The following MID2 variants were observed in gnomAD, a reference collection of about 807,000 sequenced individuals.
MID2 encodes probable E3 ubiquitin-protein ligase MID2.
MID2 carries 13 observed loss-of-function variants against 46.1 expected under a neutral mutation model. The observed-to-expected ratio is 0.28, with a 90% confidence interval of 0.18 to 0.45. The LOEUF is 0.45. Ranked by LOEUF, MID2 falls within the 20% of genes least tolerant of loss-of-function variation. The pLI, the probability that MID2 is intolerant of heterozygous loss-of-function variation, is 1.00. For synonymous variants in MID2, 199 were observed against 212.3 expected, an observed-to-expected ratio of 0.94 and a Z score of 0.55; for missense variants, 431 against 575.4, an observed-to-expected ratio of 0.75 and a Z score of 2.57.
intron 2 of MID2, among the ~76,000 whole-genome samples, chrX:107,846,412 G>A (rs894175988): frequency 9.1e-6 from 1 of 110,473 alleles, no homozygotes; most frequent in African/African-American, 3.3e-5. Flanking sequence ...TGGGGTTGGG[G>A]ACAGTATCTG....
chrX:107,829,336 T>G (rs1329170561), intron 1 of MID2, among the ~76,000 whole-genome samples: 1 of 112,101 alleles, frequency 8.9e-6, no homozygotes, highest in Non-Finnish European at 1.9e-5. Flanking sequence ...TTTTCTCCAA[T>G]ACATGTTCAA....
chrX:107,887,505 G>A (rs932203185), intron 3 of MID2, among the ~76,000 whole-genome samples: 4 of 111,843 alleles, frequency 3.6e-5, no homozygotes, highest in African/African-American at 1.3e-4. Flanking sequence ...GGTTTTTGAT[G>A]TGCTGCTGGA....
At chrX:107,920,273 T>G (rs1056555820) in intron 7 of MID2, among the ~76,000 whole-genome samples, 1 of 112,198 alleles carries the variant, frequency 8.9e-6, no homozygotes, top group Non-Finnish European at 1.9e-5. Flanking sequence ...TTATTCCCCC[T>G]TCACCTTTTC....
chrX:107,912,822 T>C (rs1198927554), intron 5 of MID2, among the ~76,000 whole-genome samples: 3 of 110,945 alleles, frequency 2.7e-5, no homozygotes, highest in Non-Finnish European at 5.7e-5. Flanking sequence ...TTGAGAATCA[T>C]CTACTCACCT....
chrX:107,834,245 A>G (rs1452113253), intron 1 of MID2, among the ~76,000 whole-genome samples: 7 of 112,320 alleles, frequency 6.2e-5, no homozygotes, highest in African/African-American at 2.3e-4. Context: ...AAGAAAAGCC[A>G]TACAGAAACA....
At chrX:107,832,003 C>G (rs1294107420) in intron 1 of MID2, among the ~76,000 whole-genome samples, 13 of 112,343 alleles carry the variant, frequency 1.2e-4, no homozygotes, top group African/African-American at 4.2e-4. Context: ...AGATTTAGGA[C>G]TTCTAGTTCT....
At chrX:107,894,788 G>A (rs1932681982) in intron 3 of MID2, 1 of 106,842 alleles carries the variant, frequency 9.4e-6, no homozygotes, top group Admixed American at 1.0e-4. Context: ...GGGATTATAA[G>A]TATTACGGAT....
At chrX:107,871,358 G>C (rs995994252) in intron 3 of MID2, among the ~76,000 whole-genome samples, 4 of 111,435 alleles carry the variant, frequency 3.6e-5, no homozygotes, top group African/African-American at 1.3e-4. Flanking sequence ...AGGTGAGCAG[G>C]TGAAGGAGCT....
chrX:107,926,397 A>G (rs1933178707), intron 9 of MID2, 96 bp downstream of exon 9: 1 of 802,186 alleles, frequency 1.2e-6, no homozygotes, highest in South Asian at 2.8e-5. Flanking sequence ...CAATAAGTCA[A>G]GGTTAAAAGG....
chrX:107,883,880 C>A (rs1932385161), intron 3 of MID2, among the ~76,000 whole-genome samples: 1 of 112,275 alleles, frequency 8.9e-6, no homozygotes, highest in South Asian at 3.7e-4. Flanking sequence ...GATGTGAGAT[C>A]TGAACTCAGT....
At chrX:107,862,481 C>T (rs1163573766) in intron 3 of MID2, among the ~76,000 whole-genome samples, 2 of 112,233 alleles carry the variant, frequency 1.8e-5, no homozygotes, top group Non-Finnish European at 3.8e-5. Flanking sequence ...CCACCAGTAA[C>T]TCTGCAGATG....
chrX:107,899,046 G>A (rs1932770210), intron 3 of MID2, among the ~76,000 whole-genome samples: 1 of 110,704 alleles, frequency 9.0e-6, no homozygotes, highest in African/African-American at 3.3e-5. Flanking sequence ...ACTGATGGAT[G>A]TGACTAAGCT....
chrX:107,894,550 T>TG (rs1932676576), intron 3 of MID2: 1 of 112,061 alleles, frequency 8.9e-6, no homozygotes, highest in Non-Finnish European at 1.9e-5. Context: ...AAGAGAAATT[T>TG]GTCTCATGTA....
chrX:107,914,321 T>C (rs1193422839), intron 5 of MID2, among the ~76,000 whole-genome samples: 1 of 112,131 alleles, frequency 8.9e-6, no homozygotes, highest in Non-Finnish European at 1.9e-5. Flanking sequence ...TGAGCTAATT[T>C]TCTAGATTAA....
chrX:107,924,612 G>C, intron 8 of MID2, 108 bp downstream of exon 8: 1 of 841,692 alleles, frequency 1.2e-6, no homozygotes, highest in Non-Finnish European at 1.7e-6. Flanking sequence ...AGTGGTACTG[G>C]GTAGAGGAGC....
At chrX:107,853,033 G>A (rs1213175796) in intron 2 of MID2, among the ~76,000 whole-genome samples, 2 of 111,127 alleles carry the variant, frequency 1.8e-5, no homozygotes. Flanking sequence ...AGATATTGGG[G>A]TGAGTCTTAG....
At chrX:107,829,061 G>T (rs988760509) in intron 1 of MID2, among the ~76,000 whole-genome samples, 5 of 111,387 alleles carry the variant, frequency 4.5e-5, no homozygotes, top group African/African-American at 9.8e-5. Context: ...TGAATATTTT[G>T]TAGAGACAGG....
In MID2 at chrX:107,888,679, T is replaced by A. The variant is rs746973093; in HGVS notation, c.817-15279T>A. Among the ~76,000 whole-genome samples, 113 of 111,612 alleles carry A rather than the reference T, an allele frequency of 1.0e-3. 1 individual carries two copies. Among genetic ancestry groups the A allele is most frequent in the Middle Eastern group, 4.6e-3 (1 of 216 alleles). ...CAATTCCTGGATATCCTTGTTAACT[T>A]TCTGCCCGTTGATTTGTCTAATGTT... On this transcript the variant is annotated intron_variant, in intron 3 of 9. Transcript: ENST00000262843.
At chrX:107,874,358 G>A (rs1331023527) in intron 3 of MID2, among the ~76,000 whole-genome samples, 1 of 111,543 alleles carries the variant, frequency 9.0e-6, no homozygotes, top group East Asian at 2.8e-4. Context: ...CACATTATGT[G>A]GAGTGCAAAC....
Sources: allele counts gnomAD v4.1 joint callset (sites outside exome capture counted in the v4.1 genomes callset), GRCh38; gene constraint gnomAD v4.1.1; transcripts MANE v1.5; gene names NCBI Gene and HGNC (gene_info 2026-07-23, HGNC 2026-07-21).